Variants in PDE7A observed in about 807,000 individuals in gnomAD.
The protein encoded by PDE7A is phosphodiesterase 7A.
Under a neutral mutation model 64.3 loss-of-function variants are expected in PDE7A, and 39 were observed. The ratio of observed to expected loss-of-function variants is 0.61; its 90% CI spans 0.47 to 0.79. The LOEUF is 0.79. Ranked by LOEUF, PDE7A falls within the 30% of genes least tolerant of loss-of-function variation. The probability of loss-of-function intolerance (pLI) is 0.00; values close to 1 mark genes in which losing one functional copy is unlikely to be tolerated. For missense variants in PDE7A, 470 were observed against 582.8 expected, an observed-to-expected ratio of 0.81 and a Z score of 1.99; for synonymous variants, 203 against 206.8, an observed-to-expected ratio of 0.98 and a Z score of 0.16.
chr8:65,781,932 G>A (rs1220762366), intron 2 of PDE7A, among the ~76,000 whole-genome samples: 2 of 152,078 alleles, frequency 1.3e-5, no homozygotes, highest in Non-Finnish European at 2.9e-5. Context: ...AAAGAACTGA[G>A]GCAGGTAAGA....
chr8:65,755,093 T>C (rs1437250720), intron 3 of PDE7A, among the ~76,000 whole-genome samples: 1 of 149,530 alleles, frequency 6.7e-6, no homozygotes, highest in Non-Finnish European at 1.5e-5. Context: ...TGGTTTCGGC[T>C]CACTGTAACG....
At chr8:65,722,303 C>T (rs1349859782) in intron 12 of PDE7A, 2 of 152,268 alleles carry the variant, frequency 1.3e-5, no homozygotes, top group Non-Finnish European at 2.9e-5. Context: ...CTCTTCCCTT[C>T]TCTACCTGTC....
chr8:65,759,342 G>A (rs1405218102), intron 3 of PDE7A, among the ~76,000 whole-genome samples: 2 of 152,152 alleles, frequency 1.3e-5, no homozygotes, highest in African/African-American at 4.8e-5. Context: ...GGCCAAGAGG[G>A]CCAAATCTTG....
chr8:65,740,824 C>T (rs1160042831), intron 5 of PDE7A, among the ~76,000 whole-genome samples: 1 of 152,130 alleles, frequency 6.6e-6, no homozygotes, highest in Admixed American at 6.6e-5. Context: ...ATTGTCTCAA[C>T]AAGCATCAGC....
At chr8:65,803,453 A>T (rs1043348207) in intron 1 of PDE7A, among the ~76,000 whole-genome samples, 10 of 152,234 alleles carry the variant, frequency 6.6e-5, no homozygotes, top group Non-Finnish European at 1.3e-4. Context: ...ATTTTCAGTC[A>T]GCTGCATCAG....
rs117587812 is a variant in PDE7A, at chr8:65,823,150, G to T, written c.138+18221C>A. Among the ~76,000 whole-genome samples the T allele has an allele frequency of 1.3e-4, 20 of 152,198 alleles. No individual in the cohort carries two copies. The East Asian group carries it at 3.7e-3, about 28-fold the overall frequency. On this transcript the variant is annotated intron_variant, in intron 1 of 12. Coordinates refer to ENST00000401827, the MANE Select transcript of PDE7A (RefSeq NM_001242318.3). ...AAAGACATTTAAAAATACCACTGAT[G>T]GGGAGAAGAGGGTGGAAAACCTCTA... is the stretch of plus-strand genomic sequence containing the variant.
At chr8:65,745,145 T>C (rs1447257384) in intron 5 of PDE7A, among the ~76,000 whole-genome samples, 2 of 152,222 alleles carry the variant, frequency 1.3e-5, no homozygotes, top group African/African-American at 4.8e-5. Context: ...CCTGCCAACA[T>C]GTAAGATGTG....
intron 1 of PDE7A, among the ~76,000 whole-genome samples, chr8:65,809,882 C>T (rs997416382): frequency 3.3e-5 from 5 of 152,280 alleles, no homozygotes; most frequent in African/African-American, 1.2e-4. Flanking sequence ...AATAGGAACA[C>T]TTTTACACTG....
intron 1 of PDE7A, among the ~76,000 whole-genome samples, chr8:65,821,243 GGA>G (rs1437314101): frequency 6.6e-6 from 1 of 151,808 alleles, no homozygotes; most frequent in Non-Finnish European, 1.5e-5. Flanking sequence ...CTCAATGCAA[GGA>G]GATATGAGAA....
chr8:65,787,780 A>G (rs184199248), intron 1 of PDE7A, among the ~76,000 whole-genome samples: 14 of 149,362 alleles, frequency 9.4e-5, no homozygotes, highest in African/African-American at 2.5e-4. Context: ...TCATCTCTAC[A>G]GGGGGGGGAA....
intron 3 of PDE7A, among the ~76,000 whole-genome samples, chr8:65,763,029 G>GTGTGTC (rs1554562393): frequency 1.6e-4 from 23 of 146,092 alleles, no homozygotes; most frequent in African/African-American, 5.3e-4. Flanking sequence ...GTGTGTGTGT[G>GTGTGTC]TGTGTGTGTA....
At chr8:65,766,353 A>T (rs1466929330) in intron 3 of PDE7A, among the ~76,000 whole-genome samples, 2 of 152,274 alleles carry the variant, frequency 1.3e-5, no homozygotes, top group Admixed American at 1.3e-4. Context: ...CTAATTGAAC[A>T]GAGGAAAATC....
At chr8:65,769,414 T>C (rs1808965378) in intron 3 of PDE7A, among the ~76,000 whole-genome samples, 1 of 152,204 alleles carries the variant, frequency 6.6e-6, no homozygotes, top group Non-Finnish European at 1.5e-5. Context: ...AAACTAACCC[T>C]GAGAGCATAT....
At chr8:65,762,353 A>C (rs549840492) in intron 3 of PDE7A, among the ~76,000 whole-genome samples, 14 of 152,322 alleles carry the variant, frequency 9.2e-5, no homozygotes, top group Non-Finnish European at 1.3e-4. Context: ...TTTAGCATGC[A>C]TGAATGAATA....
chr8:65,789,093 T>C, intron 1 of PDE7A: 1 of 1,381,464 alleles, frequency 7.2e-7, no homozygotes, highest in Non-Finnish European at 9.4e-7. Context: ...CCAACAGTGA[T>C]CACCTGACTC....
chr8:65,819,371 T>A (rs1810485843), intron 1 of PDE7A, among the ~76,000 whole-genome samples: 1 of 152,236 alleles, frequency 6.6e-6, no homozygotes, highest in Non-Finnish European at 1.5e-5. Flanking sequence ...CACTCCAGCC[T>A]GGGTGACATA....
intron 5 of PDE7A, among the ~76,000 whole-genome samples, chr8:65,740,694 C>A (rs1031729959): frequency 6.6e-6 from 1 of 152,210 alleles, no homozygotes; most frequent in Non-Finnish European, 1.5e-5. Flanking sequence ...AGCTACCACG[C>A]CTGGCCAAGT....
At chr8:65,797,144 G>A (rs1447364813) in intron 1 of PDE7A, among the ~76,000 whole-genome samples, 2 of 152,136 alleles carry the variant, frequency 1.3e-5, no homozygotes, top group African/African-American at 4.8e-5. Flanking sequence ...TCCATACAAT[G>A]AAAACTACAA....
intron 3 of PDE7A, among the ~76,000 whole-genome samples, chr8:65,768,385 G>T (rs1296071793): frequency 6.6e-6 from 1 of 152,038 alleles, no homozygotes; most frequent in African/African-American, 2.4e-5. Context: ...GAATCATGGG[G>T]GTGCTAATTC....
Sources: gnomAD v4.1 joint callset for allele counts (sites outside exome capture counted in the v4.1 genomes callset) on GRCh38, gnomAD v4.1.1 for gene constraint, MANE v1.5 for transcripts, NCBI Gene and HGNC (gene_info 2026-07-23, HGNC 2026-07-21) for gene names.